The following ADCK1 variants were observed in gnomAD, a reference collection of about 807,000 sequenced individuals.
ADCK1 encodes aarF domain containing kinase 1.
In ADCK1, 41 loss-of-function variants were observed where a neutral mutation model predicts 52.3. The observed-to-expected ratio is 0.78, with a 90% CI of 0.61 to 1.02. ADCK1 has a LOEUF of 1.02. ADCK1 is among the 50% of genes least tolerant of loss of function. ADCK1 has a pLI of 0.00. For missense variants in ADCK1, 658 were observed against 679.5 expected (o/e 0.97, Z 0.35); for synonymous variants, 250 against 274.6 (o/e 0.91, Z 0.89).
At chr14:77,907,990 G>A (rs2083706741) in intron 7 of ADCK1, 71 bp downstream of exon 7, 23 of 1,277,732 alleles carry the variant, frequency 1.8e-5, no homozygotes, top group Non-Finnish European at 2.6e-5. Flanking sequence ...GGAAGTGCCT[G>A]TGTGTCCAGG....
At chr14:77,840,087 A>G (rs928344941) in intron 3 of ADCK1, among the ~76,000 whole-genome samples, 1 of 152,174 alleles carries the variant, frequency 6.6e-6, no homozygotes, top group Admixed American at 6.5e-5. Flanking sequence ...CACAAATTCA[A>G]AAATTTCAAA....
rs1396487900 is a variant in ADCK1, at chr14:77,828,159, TCA to T, written c.219+5643_219+5644del. 2.0e-5 allele frequency among the ~76,000 whole-genome samples: 3 copies of T among 152,230 alleles called. No individual in the cohort carries two copies. In the East Asian group the frequency reaches 5.8e-4, roughly 29 times the overall value. Reference sequence around the variant, plus strand: ...TTGTGTTTTTAGTAGAGATGGGGTTTCACCATGTTGGCCAGTCTGGTCTTTAA... The same window carrying T: ...TTGTGTTTTTAGTAGAGATGGGGTTTCCATGTTGGCCAGTCTGGTCTTTAA... On this transcript the variant is annotated intron_variant, in intron 3 of 10. Transcript: ENST00000238561.
chr14:77,859,047 C>T (rs765034942), intron 3 of ADCK1, 29 bp from the exon 4 acceptor site: 2 of 1,565,252 alleles, frequency 1.3e-6, no homozygotes, highest in Non-Finnish European at 1.7e-6. Context: ...GCACTCACAC[C>T]TCTCTGGTCC....
At chr14:77,817,606 G>C (rs948805967) in intron 1 of ADCK1, among the ~76,000 whole-genome samples, 4 of 152,224 alleles carry the variant, frequency 2.6e-5, no homozygotes, top group Non-Finnish European at 5.9e-5. Context: ...GTATGAATTT[G>C]AACAGATCAA....
chr14:77,907,692 C>T (rs745431647), intron 6 of ADCK1, 111 bp from the exon 7 acceptor site: 12 of 762,860 alleles, frequency 1.6e-5, no homozygotes, highest in Admixed American at 5.4e-5. Context: ...GGCCTCTTCT[C>T]CCTTGCTCTG....
rs757387734 is a variant in ADCK1 at position 77,887,095 on chromosome 14, A to G, written c.428A>G (p.His143Arg). 10 of 1,582,880 alleles carry G rather than the reference A, an allele frequency of 6.3e-6. No homozygotes were observed. The highest frequency in any genetic ancestry group is 2.3e-5 in the South Asian group (2 of 86,074). ...VIREDLGKEI[H>R]DLFQSFDDTP... is the part of the protein sequence containing the mutation. ...TGTTCTCTCCACTCCCGACAGATCC[A>G]TGATTTGTTCCAGAGCTTCGATGAC... The change falls in exon 5 of 11, where the codon CAT becomes CGT. Residue 143 changes from histidine to arginine, a missense_variant. Physicochemically the swap from His to Arg is conservative, Grantham distance 29. Transcript: ENST00000238561.
intron 3 of ADCK1, among the ~76,000 whole-genome samples, chr14:77,852,126 G>A (rs1364397234): frequency 6.6e-6 from 1 of 152,058 alleles, no homozygotes; most frequent in Non-Finnish European, 1.5e-5. Context: ...AGCCTCCAGA[G>A]TAGCTGGGAC....
chr14:77,899,354 T>C (rs1595051782), intron 6 of ADCK1, 96 bp downstream of exon 6: 1 of 1,485,292 alleles, frequency 6.7e-7, no homozygotes, highest in Non-Finnish European at 9.2e-7. Context: ...AGGACATAAT[T>C]GGGACATCTT....
intron 6 of ADCK1, chr14:77,900,528 A>G: frequency 2.2e-6 from 1 of 448,780 alleles, no homozygotes; most frequent in South Asian, 1.6e-5. Flanking sequence ...CAGACGTTGT[A>G]GTGAGCTGAG....
intron 4 of ADCK1, among the ~76,000 whole-genome samples, chr14:77,877,464 C>G (rs1447680846): frequency 6.6e-6 from 1 of 152,196 alleles, no homozygotes. Flanking sequence ...TTAGAATTCA[C>G]GGCCCTCATC....
rs369772492 is a variant in ADCK1 at position 77,924,613 on chromosome 14, G to A, written c.1008+7G>A. 4.0e-5 allele frequency: 65 copies of A among 1,612,082 alleles called. No homozygotes were observed. Among genetic ancestry groups the A allele is most frequent in the Non-Finnish European group, 5.3e-5 (63 of 1,180,012 alleles). ...GGACCATGGGCTTTACCAGGTAGAA[G>A]AGGCCTTTGTTACCCAGCCCTGGGG... On this transcript the variant is annotated splice_region_variant and intron_variant, in intron 8 of 10. Transcript: ENST00000238561.
chr14:77,912,212 G>A (rs969614749), intron 7 of ADCK1, among the ~76,000 whole-genome samples: 1 of 152,112 alleles, frequency 6.6e-6, no homozygotes, highest in Non-Finnish European at 1.5e-5. Context: ...TTTAGGCTTT[G>A]CATGACTTGG....
chr14:77,900,771 C>T (rs1043730914), intron 6 of ADCK1: 1 of 336,322 alleles, frequency 3.0e-6, no homozygotes, highest in Non-Finnish European at 5.9e-6. Context: ...CACATAAGCA[C>T]ATCCAAAATT....
At chr14:77,807,057 GAGAC>G (rs1296971715) in intron 1 of ADCK1, among the ~76,000 whole-genome samples, 2 of 118,336 alleles carry the variant, frequency 1.7e-5, no homozygotes, top group Non-Finnish European at 3.3e-5. Context: ...TTTTTTTTTG[GAGAC>G]AGAGTCTTTT....
intron 4 of ADCK1, among the ~76,000 whole-genome samples, chr14:77,886,385 A>G (rs2083147235): frequency 6.6e-6 from 1 of 152,206 alleles, no homozygotes; most frequent in Non-Finnish European, 1.5e-5. Context: ...CATTCTGTTA[A>G]TGCTGGATTG....
chr14:77,837,607 G>A (rs1353305296), intron 3 of ADCK1, among the ~76,000 whole-genome samples: 2 of 152,212 alleles, frequency 1.3e-5, no homozygotes, highest in Non-Finnish European at 2.9e-5. Context: ...GGCTGTGCCT[G>A]TAACCACTCT....
At chr14:77,824,407 T>C (rs2081647923) in intron 3 of ADCK1, among the ~76,000 whole-genome samples, 1 of 151,792 alleles carries the variant, frequency 6.6e-6, no homozygotes, top group South Asian at 2.1e-4. Flanking sequence ...GTCCCCAAAA[T>C]GTCTTTTCCT....
chr14:77,868,822 A>C (rs1191685978), intron 4 of ADCK1, among the ~76,000 whole-genome samples: 1 of 152,122 alleles, frequency 6.6e-6, no homozygotes, highest in Non-Finnish European at 1.5e-5. Flanking sequence ...TCTCTTACCC[A>C]TGTGCCACTG....
At chr14:77,842,109 G>A (rs891340557) in intron 3 of ADCK1, among the ~76,000 whole-genome samples, 5 of 151,912 alleles carry the variant, frequency 3.3e-5, no homozygotes, top group Admixed American at 1.3e-4. Context: ...AATCAAACAT[G>A]ACACACAAAC....
Sources: allele counts gnomAD v4.1 joint callset (sites outside exome capture counted in the v4.1 genomes callset), GRCh38; gene constraint gnomAD v4.1.1; transcripts MANE v1.5; gene names NCBI Gene and HGNC (gene_info 2026-07-23, HGNC 2026-07-21).